Variants in RABIF observed in about 807,000 individuals in gnomAD.
RABIF encodes guanine nucleotide exchange factor MSS4.
Under a neutral mutation model 12.3 loss-of-function variants are expected in RABIF, and 13 were observed. The ratio of observed to expected loss-of-function variants is 1.06; its 90% confidence interval spans 0.69 to 1.68. RABIF has a LOEUF of 1.68. Among genes scored for constraint, RABIF ranks in the 40% most tolerant of loss-of-function variants. The pLI is 0.00. For missense variants in RABIF, 153 were observed against 158.0 expected (o/e 0.97, Z 0.17); for synonymous variants, 70 against 63.3 (o/e 1.11, Z -0.50).
intron 1 of RABIF, 28 bp downstream of exon 1, chr1:202,888,945 G>A: frequency 2.0e-6 from 3 of 1,520,008 alleles, no homozygotes; most frequent in Non-Finnish European, 1.8e-6. Flanking sequence ...GACTGTGGGT[G>A]TAAACGGCCT....
chr1:202,888,021 G>C (rs1420338180), intron 1 of RABIF, among the ~76,000 whole-genome samples: 1 of 152,194 alleles, frequency 6.6e-6, no homozygotes, highest in Non-Finnish European at 1.5e-5. Context: ...AACAGACACA[G>C]ATTCCCTTTT....
At position 202,881,064 on chromosome 1, in the gene RABIF, C is replaced by CT; in HGVS notation, c.285dup (p.Asp96ArgfsTer3). 6.2e-7 allele frequency: 1 copy of CT among 1,614,180 alleles called. No homozygotes were observed. Among genetic ancestry groups the CT allele is most frequent in the African/African-American group, 1.3e-5 (1 of 75,022 alleles). On this transcript the variant is annotated frameshift_variant, in exon 2 of 2. Transcript: ENST00000367262. LOFTEE classifies it high-confidence loss of function. Reference sequence around the variant, plus strand: ...CAGCCAATTGGTCCAATTTCACAGTCTGCGCAGACCAGAAACTTGATGTTG... The same window carrying CT: ...CAGCCAATTGGTCCAATTTCACAGTCTTGCGCAGACCAGAAACTTGATGTTG...
At chr1:202,886,693 T>G (rs1220490953) in intron 1 of RABIF, among the ~76,000 whole-genome samples, 4 of 152,024 alleles carry the variant, frequency 2.6e-5, no homozygotes, top group African/African-American at 9.7e-5. Flanking sequence ...GCCCAGGAGT[T>G]GGAGACCAGC....
chr1:202,888,918 G>A, intron 1 of RABIF, 55 bp downstream of exon 1: 1 of 1,459,826 alleles, frequency 6.9e-7, no homozygotes, highest in Non-Finnish European at 9.1e-7. Context: ...TTCTGACTGC[G>A]GCGGCTCGTC....
chr1:202,880,893 C>T lies in RABIF; in HGVS notation c.*85G>A, dbSNP rs755078837. ...TATATTAGCACAGACAAGAAGGCAG[C>T]GGAACAGTTATACCACATTAAAGGC... On this transcript the variant is annotated 3_prime_UTR_variant, in exon 2 of 2. Transcript: ENST00000367262. 1.3e-4 allele frequency: 201 copies of T among 1,550,784 alleles called. 1 individual carries two copies. In the South Asian group the frequency reaches 1.7e-3, roughly 13 times the overall value.
intron 1 of RABIF, among the ~76,000 whole-genome samples, chr1:202,888,531 A>G (rs1659598169): frequency 1.3e-5 from 2 of 152,220 alleles, no homozygotes; most frequent in Admixed American, 6.5e-5. Flanking sequence ...TGAGGTCTAA[A>G]GTGGGAAAGG....
In RABIF at chr1:202,889,073, T is replaced by C. The variant is rs768194525; in HGVS notation, c.26A>G (p.Glu9Gly). The C allele has an allele frequency of 1.9e-6, 3 of 1,610,424 alleles. No homozygotes were observed. The highest frequency in any genetic ancestry group is 2.5e-6 in the Non-Finnish European group (3 of 1,178,800). The change falls in exon 1 of 2, where the codon GAG becomes GGG. Residue 9 changes from glutamate (E) to glycine (G), a missense_variant. Glu to Gly is a moderately conservative substitution (Grantham distance 98). This residue lies in a region of RABIF where 113 missense variants were observed against 90.9 expected (regional missense o/e 1.24). Transcript: ENST00000367262. MEPAEQPS[E>G]LVSAEGRNRK... ...GTTTCGGCCCTCGGCTGACACTAACTCGCTCGGCTGCTCCGCTGGTTCCAT... is the reference window on the plus strand; with the variant it reads ...GTTTCGGCCCTCGGCTGACACTAACCCGCTCGGCTGCTCCGCTGGTTCCAT...
chr1:202,881,730 G>C (rs1275051423), intron 1 of RABIF, among the ~76,000 whole-genome samples: 1 of 152,224 alleles, frequency 6.6e-6, no homozygotes, highest in African/African-American at 2.4e-5. Context: ...GCACCAGCTG[G>C]GTGGTCTGGG....
intron 1 of RABIF, among the ~76,000 whole-genome samples, chr1:202,885,964 C>G (rs931985260): frequency 2.3e-5 from 3 of 132,988 alleles, no homozygotes; most frequent in Non-Finnish European, 5.0e-5. Context: ...AAACACAACC[C>G]AAAAAAAAAA....
At position 202,880,009 on chromosome 1, in the gene RABIF, T is replaced by C. The variant is rs115774713; in HGVS notation, c.*969A>G. 2.3e-4 allele frequency: 35 copies of C among 152,336 alleles called. No homozygotes were observed. The highest frequency in any genetic ancestry group is 8.4e-4 in the African/African-American group (35 of 41,576). The allele number at this position is 152,336 out of a possible 1,614,324, so 9.4% of individuals were successfully genotyped here. A position where few individuals can be genotyped will look rare whatever the true frequency, so the allele number is the denominator to read the frequency against. ...TCTGGATGGAAGTTTGTATCCTGGG[T>C]TGGCACAGAGATTCCAGTTGAACCA... On this transcript the variant is annotated 3_prime_UTR_variant, in exon 2 of 2. Coordinates refer to ENST00000367262, the MANE Select transcript of RABIF (RefSeq NM_002871.5).
rs1659454247 is a variant in RABIF, at chr1:202,879,325, A to G, written c.*1653T>C. On this transcript the variant is annotated 3_prime_UTR_variant, in exon 2 of 2. Transcript: ENST00000367262. ...CTCCCAAGTAGCAGGGACTACAGGT[A>G]TACACCACTATGCCCAGGTAATTTT... 6.6e-6 allele frequency: 1 copy of G among 152,212 alleles called. No homozygotes were observed. Among genetic ancestry groups the G allele is most frequent in the South Asian group, 2.1e-4 (1 of 4,832 alleles). 9.4% of individuals were successfully genotyped at this position (152,212 alleles called of 1,614,324 possible).
At chr1:202,881,346 C>T (rs1300192327) in intron 1 of RABIF, 123 bp from the exon 2 acceptor site, 3 of 1,370,438 alleles carry the variant, frequency 2.2e-6, no homozygotes, top group Admixed American at 2.8e-5. Context: ...GAAGCCCTCT[C>T]ATTAAGCTGT....
At chr1:202,882,239 G>T (rs1482479095) in intron 1 of RABIF, among the ~76,000 whole-genome samples, 1 of 152,104 alleles carries the variant, frequency 6.6e-6, no homozygotes, top group Non-Finnish European at 1.5e-5. Flanking sequence ...AAATTAGCAG[G>T]CTGTGGTAGT....
chr1:202,881,464 C>A (rs549326082), intron 1 of RABIF, among the ~76,000 whole-genome samples: 1 of 152,018 alleles, frequency 6.6e-6, no homozygotes, highest in Admixed American at 6.6e-5. Flanking sequence ...TGCAGTGGCG[C>A]GATCTCAGCT....
At chr1:202,888,878 T>C (rs1454881639) in intron 1 of RABIF, 95 bp downstream of exon 1, 1 of 1,414,802 alleles carries the variant, frequency 7.1e-7, no homozygotes, top group East Asian at 2.8e-5. Flanking sequence ...GAGGGCGCGG[T>C]TGCCGGAAAT....
At chr1:202,884,078 T>TTC (rs1402970772) in intron 1 of RABIF, among the ~76,000 whole-genome samples, 1 of 152,178 alleles carries the variant, frequency 6.6e-6, no homozygotes, top group African/African-American at 2.4e-5. Flanking sequence ...AAGTTGCCAG[T>TTC]GAGATCTCTG....
Position 202,888,894 on chromosome 1 carries a change from A to C in RABIF, c.126+79T>G, listed in dbSNP as rs553442794. The C allele has an allele frequency of 4.9e-5, 70 of 1,425,758 alleles. No homozygotes were observed. The East Asian group carries it at 1.8e-3, about 37-fold the overall frequency. 88.3% of individuals were successfully genotyped at this position (1,425,758 alleles called of 1,614,324 possible). A position where few individuals can be genotyped will look rare whatever the true frequency, so the allele number is the denominator to read the frequency against. On this transcript the variant is annotated intron_variant, in intron 1 of 1. Transcript: ENST00000367262. ...AGGGCGCGGTTGCCGGAAATTGAAG[A>C]GCCGGGGTTCAGATTCTGACTGCGG... is the stretch of plus-strand genomic sequence containing the variant.
At chr1:202,886,748 T>TC (rs1202603672) in intron 1 of RABIF, among the ~76,000 whole-genome samples, 1 of 31,772 alleles carries the variant, frequency 3.1e-5, no homozygotes, top group Non-Finnish European at 1.0e-4. Context: ...CTTTTTTCTT[T>TC]TTTTTTTTTT....
rs1659468360 is a variant in RABIF, at chr1:202,880,331, T to C, written c.*647A>G. 6.6e-6 allele frequency: 1 copy of C among 152,594 alleles called. No individual in the cohort carries two copies. Among genetic ancestry groups the C allele is most frequent in the Non-Finnish European group, 1.5e-5 (1 of 68,044 alleles). The allele number at this position is 152,594 out of a possible 1,614,324, so 9.5% of individuals were successfully genotyped here. ...GCTAATATAAAAAGAAACTACAAGA[T>C]TTCAAGGGAAGAGGGACCACACCCA... On this transcript the variant is annotated 3_prime_UTR_variant, in exon 2 of 2. Transcript: ENST00000367262.
Sources: gnomAD v4.1 joint callset for allele counts (sites outside exome capture counted in the v4.1 genomes callset) on GRCh38, gnomAD v4.1.1 for gene constraint, gnomAD v4.1.1 regional missense constraint, MANE v1.5 for transcripts, NCBI Gene and HGNC (gene_info 2026-07-23, HGNC 2026-07-21) for gene names.